Variants in NRG1 observed in about 807,000 individuals in gnomAD.
NRG1 encodes the protein neuregulin 1.
NRG1 carries 18 observed loss-of-function variants against 63.8 expected under a neutral mutation model. That is an observed-to-expected ratio of 0.28 (90% CI 0.19 to 0.42). NRG1 has a LOEUF of 0.42. Among genes scored for constraint, NRG1 ranks in the 10% least tolerant of loss-of-function variants. NRG1 has a pLI of 1.00. For missense variants in NRG1, 762 were observed against 814.7 expected (o/e 0.94, Z 0.79); for synonymous variants, 302 against 301.3 (o/e 1.00, Z -0.02).
chr8:32,378,486 C>T (rs1809910274), intron 1 of NRG1, among the ~76,000 whole-genome samples: 1 of 152,116 alleles, frequency 6.6e-6, no homozygotes, highest in African/African-American at 2.4e-5. Flanking sequence ...CCAAACATAG[C>T]TCCAATTTAT....
At chr8:31,712,884 A>G (rs537113801) in intron 1 of NRG1, among the ~76,000 whole-genome samples, 1 of 152,090 alleles carries the variant, frequency 6.6e-6, no homozygotes, top group Admixed American at 6.5e-5. Flanking sequence ...CCACAGAGAC[A>G]GTGTACTTGC....
At chr8:31,736,076 G>C (rs1814631698) in intron 1 of NRG1, among the ~76,000 whole-genome samples, 1 of 152,134 alleles carries the variant, frequency 6.6e-6, no homozygotes, top group Non-Finnish European at 1.5e-5. Flanking sequence ...ACCTCATTCA[G>C]TGTAAATTCC....
intron 1 of NRG1, among the ~76,000 whole-genome samples, chr8:32,485,452 A>C (rs571413149): frequency 2.0e-5 from 3 of 152,274 alleles, no homozygotes; most frequent in Non-Finnish European, 4.4e-5. Flanking sequence ...TCATATTAAT[A>C]ATAAGCTTCT....
chr8:31,958,870 C>G (rs1479867419), intron 1 of NRG1, among the ~76,000 whole-genome samples: 1 of 152,122 alleles, frequency 6.6e-6, no homozygotes. Flanking sequence ...GCAGGTCTGT[C>G]ATTTGGATTT....
intron 1 of NRG1, among the ~76,000 whole-genome samples, chr8:31,809,959 T>G (rs1275513385): frequency 1.3e-5 from 2 of 151,960 alleles, no homozygotes; most frequent in Non-Finnish European, 2.9e-5. Flanking sequence ...CCTGTCAATC[T>G]TGGGAGACCC....
chr8:32,333,440 C>T (rs1802888172), intron 1 of NRG1, among the ~76,000 whole-genome samples: 1 of 152,062 alleles, frequency 6.6e-6, no homozygotes, highest in African/African-American at 2.4e-5. Flanking sequence ...GTGTTTGTGA[C>T]ATTGTGATGG....
intron 1 of NRG1, among the ~76,000 whole-genome samples, chr8:32,059,429 A>G (rs1823496168): frequency 6.6e-6 from 1 of 151,960 alleles, no homozygotes; most frequent in South Asian, 2.1e-4. Context: ...ATATTTTGGT[A>G]GCTTCCTATT....
At chr8:32,053,478 G>A (rs1484323477) in intron 1 of NRG1, among the ~76,000 whole-genome samples, 1 of 152,144 alleles carries the variant, frequency 6.6e-6, no homozygotes, top group Admixed American at 6.5e-5. Context: ...ATAATTTGCA[G>A]CACTAGAAAT....
chr8:31,894,274 A>G (rs1301466881), intron 1 of NRG1, among the ~76,000 whole-genome samples: 1 of 152,202 alleles, frequency 6.6e-6, no homozygotes, highest in Admixed American at 6.5e-5. Flanking sequence ...CAAAGAATTT[A>G]ATTGCAATAT....
intron 1 of NRG1, among the ~76,000 whole-genome samples, chr8:31,849,186 G>A (rs1370024766): frequency 6.6e-6 from 1 of 152,116 alleles, no homozygotes; most frequent in East Asian, 1.9e-4. Flanking sequence ...TCATCCAACA[G>A]GCATCTAAAG....
At chr8:32,422,480 C>T (rs1012194426) in intron 1 of NRG1, among the ~76,000 whole-genome samples, 5 of 152,164 alleles carry the variant, frequency 3.3e-5, no homozygotes, top group African/African-American at 1.2e-4. Context: ...GTATTTACAA[C>T]ATTTTTGCTC....
intron 1 of NRG1, among the ~76,000 whole-genome samples, chr8:32,444,054 TTC>T (rs987456591): frequency 6.6e-6 from 1 of 151,340 alleles, no homozygotes; most frequent in African/African-American, 2.4e-5. Context: ...TTCTTTTTCT[TTC>T]TCTCTCTCTT....
intron 1 of NRG1, among the ~76,000 whole-genome samples, chr8:32,495,645 TAGAG>T (rs1177824496): frequency 2.6e-5 from 4 of 152,222 alleles, no homozygotes; most frequent in African/African-American, 9.6e-5. Context: ...ATATTTTTAG[TAGAG>T]ATGGGGTTTC....
In NRG1 at chr8:32,319,536, G is replaced by A. The variant is rs115814018; in HGVS notation, c.38-276292G>A. On this transcript the variant is annotated intron_variant, in intron 1 of 10. Coordinates refer to the NRG1 transcript ENST00000519301. ...CAACACTAGACCCTTTCCCAGAATT[G>A]GGGCACTAACAAAAGATAATGCCTC... Among the ~76,000 whole-genome samples the A allele has an allele frequency of 5.6e-3, 857 of 152,134 alleles. 11 individuals are homozygous for A. Among genetic ancestry groups the A allele is most frequent in the African/African-American group, 0.02 (819 of 41,510 alleles).
chr8:32,287,726 T>G (rs1273408812), intron 1 of NRG1, among the ~76,000 whole-genome samples: 1 of 152,178 alleles, frequency 6.6e-6, no homozygotes, highest in South Asian at 2.1e-4. Context: ...GAAAAGAAAT[T>G]TTTTGTCTAA....
intron 4 of NRG1, 61 bp downstream of exon 4, chr8:32,614,625 C>T: frequency 1.3e-6 from 2 of 1,496,104 alleles, no homozygotes; most frequent in South Asian, 1.1e-5. Flanking sequence ...CTGCTGGCTG[C>T]TCCTTCTACT....
chr8:32,564,100 A>G (rs1413692946), intron 1 of NRG1, among the ~76,000 whole-genome samples: 1 of 150,144 alleles, frequency 6.7e-6, no homozygotes, highest in Admixed American at 6.6e-5. Context: ...TTTAAATCAG[A>G]GTCACCGAGT....
chr8:32,056,949 G>A (rs1003955824), intron 1 of NRG1, among the ~76,000 whole-genome samples: 1 of 152,164 alleles, frequency 6.6e-6, no homozygotes, highest in Non-Finnish European at 1.5e-5. Context: ...GCATTAGTGA[G>A]TAGACTCATT....
At chr8:31,998,824 T>A in intron 1 of NRG1, among the ~76,000 whole-genome samples, 1 of 152,104 alleles carries the variant, frequency 6.6e-6, no homozygotes, top group South Asian at 2.1e-4. Flanking sequence ...TTATATCTAC[T>A]TTTGTGAACA....
Sources: gnomAD v4.1 joint callset for allele counts (sites outside exome capture counted in the v4.1 genomes callset) on GRCh38, gnomAD v4.1.1 for gene constraint, MANE v1.5 for transcripts, NCBI Gene and HGNC (gene_info 2026-07-23, HGNC 2026-07-21) for gene names.